The following ITCH variants were observed in gnomAD, a reference collection of about 807,000 sequenced individuals.
ITCH encodes the protein itchy E3 ubiquitin protein ligase, also known as E3 ubiquitin-protein ligase Itchy homolog.
ITCH carries 28 observed loss-of-function variants against 126.8 expected under a neutral mutation model. The ratio of observed to expected loss-of-function variants is 0.22; its 90% CI spans 0.16 to 0.30. ITCH has a LOEUF of 0.30. Among genes scored for constraint, ITCH ranks in the 10% least tolerant of loss-of-function variants. The pLI, the probability that ITCH is intolerant of heterozygous loss-of-function variation, is 1.00. For missense variants in ITCH, 631 were observed against 1,032.4 expected (o/e 0.61, Z 5.33); for synonymous variants, 342 against 340.0 (o/e 1.01, Z -0.06).
intron 6 of ITCH, among the ~76,000 whole-genome samples, chr20:34,420,473 A>T (rs149479299): frequency 6.6e-6 from 1 of 152,322 alleles, no homozygotes; most frequent in African/African-American, 2.4e-5. Context: ...TTGTTTATCC[A>T]TTCATTCATT....
intron 12 of ITCH, among the ~76,000 whole-genome samples, chr20:34,451,289 C>CAAAA (rs1234630566): frequency 8.4e-5 from 6 of 71,214 alleles, no homozygotes; most frequent in Non-Finnish European, 1.8e-4. Flanking sequence ...GACTCCGTCT[C>CAAAA]AAAAAAAAAA....
chr20:34,413,631 T>A, intron 5 of ITCH, 111 bp from the exon 6 acceptor site: 2 of 968,272 alleles, frequency 2.1e-6, no homozygotes, highest in Non-Finnish European at 3.1e-6. Flanking sequence ...TATATGCACA[T>A]ATAGTTATAT....
chr20:34,479,699 G>A lies in ITCH; in HGVS notation c.1728G>A (p.Lys576=). Residue 576 remains lysine (K), a synonymous_variant, in exon 18 of 25, where the codon AAG becomes AAA. Transcript: ENST00000374864. ...PMYCLFEYAG[K]DNYCLQINPA... is the part of the protein sequence containing the mutation. ...ATTGCCTGTTTGAATATGCAGGGAA[G>A]GATAACTACTGCTTGCAGATAAACC... The A allele has an allele frequency of 6.2e-7, 1 of 1,613,598 alleles. No individual in the cohort carries two copies.
At chr20:34,413,659 T>G in intron 5 of ITCH, 83 bp from the exon 6 acceptor site, 1 of 1,282,450 alleles carries the variant, frequency 7.8e-7, no homozygotes. Flanking sequence ...GACATCACAT[T>G]TTTAACAGTT....
At chr20:34,430,747 G>A (rs1230861032) in intron 7 of ITCH, among the ~76,000 whole-genome samples, 1 of 152,162 alleles carries the variant, frequency 6.6e-6, no homozygotes, top group Non-Finnish European at 1.5e-5. Flanking sequence ...CAAAGTGCTG[G>A]GATTACAGGC....
chr20:34,455,906 A>T (rs1985856288), intron 12 of ITCH, among the ~76,000 whole-genome samples: 2 of 151,898 alleles, frequency 1.3e-5, no homozygotes, highest in South Asian at 4.2e-4. Flanking sequence ...GCAGCTTTAG[A>T]TGCAGTAATT....
At chr20:34,400,498 G>A (rs561862809) in intron 3 of ITCH, among the ~76,000 whole-genome samples, 8 of 152,080 alleles carry the variant, frequency 5.3e-5, no homozygotes. Context: ...TAATAGGGGA[G>A]CCCTGAGAAT....
chr20:34,489,305 A>C lies in ITCH; in HGVS notation c.2133A>C (p.Glu711Asp), dbSNP rs1264024151. 2.5e-6 allele frequency: 4 copies of C among 1,613,358 alleles called. No homozygotes were observed. In the South Asian group the frequency reaches 4.4e-5, roughly 18 times the overall value. ...AEWRLSRGVE[E>D]QTQAFFEGFN... ...GGAGGTTGTCTCGAGGTGTTGAAGA[A>C]CAGACACAAGCTTTCTTTGAAGGCT... is the stretch of plus-strand genomic sequence containing the variant. Residue 711 changes from glutamate to aspartate, a missense_variant, in exon 21 of 25, where the codon GAA (glutamate) becomes GAC (aspartate). This residue lies in a region of ITCH where 390 missense variants were observed against 731.6 expected (regional missense o/e 0.53). Transcript: ENST00000374864.
chr20:34,422,174 G>C lies in ITCH; in HGVS notation c.476-2306G>C, dbSNP rs6142166. 1.3e-3 allele frequency among the ~76,000 whole-genome samples: 196 copies of C among 152,236 alleles called. 1 individual carries two copies. Among genetic ancestry groups the C allele is most frequent in the Admixed American group, 3.3e-4 (5 of 15,292 alleles). ...ATTCTTATAAATACTCTATGAAGTA[G>C]GTGTCATCCCCATTTTATATATGCA... On this transcript the variant is annotated intron_variant, in intron 6 of 24. Coordinates refer to ENST00000374864, the MANE Select transcript of ITCH (RefSeq NM_031483.7).
At chr20:34,431,782 G>A (rs1982328035) in intron 7 of ITCH, among the ~76,000 whole-genome samples, 1 of 152,174 alleles carries the variant, frequency 6.6e-6, no homozygotes, top group South Asian at 2.1e-4. Context: ...GCTCACTCCT[G>A]TAATCCCAGC....
chr20:34,409,020 G>T (rs1601830734), intron 4 of ITCH, among the ~76,000 whole-genome samples: 1 of 150,410 alleles, frequency 6.6e-6, no homozygotes, highest in Admixed American at 6.6e-5. Context: ...AGTTTAGTTG[G>T]TGATGATATT....
chr20:34,432,048 C>CAAAAAA (rs10668679), intron 7 of ITCH, among the ~76,000 whole-genome samples: 2 of 92,218 alleles, frequency 2.2e-5, no homozygotes, highest in African/African-American at 4.1e-5. Context: ...GATTCTATGT[C>CAAAAAA]AAAAAAAAAA....
rs548384124 is a variant in ITCH at position 34,380,771 on chromosome 20, A to G, written c.-22+11301A>G. 2.0e-5 allele frequency among the ~76,000 whole-genome samples: 3 copies of G among 151,922 alleles called. No homozygotes were observed. In the South Asian group the frequency reaches 6.3e-4, roughly 32 times the overall value. On this transcript the variant is annotated intron_variant, in intron 2 of 24. Transcript: ENST00000374864. ...TGCCCAAGAAGTTGAGTGCAATCAA[A>G]ATTAGAAACTTTGACCCTTTTTTAA...
intron 3 of ITCH, among the ~76,000 whole-genome samples, chr20:34,407,305 C>T (rs1478695285): frequency 1.3e-5 from 2 of 152,108 alleles, no homozygotes; most frequent in Admixed American, 6.5e-5. Context: ...CTCACTCTGT[C>T]GCCCAGGCTG....
chr20:34,413,181 C>T (rs1209275615), intron 5 of ITCH, among the ~76,000 whole-genome samples: 1 of 152,002 alleles, frequency 6.6e-6, no homozygotes, highest in Admixed American at 6.6e-5. Flanking sequence ...CCACCACATC[C>T]AGCTTTAAAT....
chr20:34,398,627 G>C (rs1039224180), intron 3 of ITCH, among the ~76,000 whole-genome samples: 1 of 152,076 alleles, frequency 6.6e-6, no homozygotes, highest in Non-Finnish European at 1.5e-5. Flanking sequence ...TTGAACTCCT[G>C]ACCTCAGGTG....
intron 2 of ITCH, among the ~76,000 whole-genome samples, chr20:34,381,002 G>C (rs1484229708): frequency 1.3e-5 from 2 of 151,958 alleles, no homozygotes; most frequent in African/African-American, 2.4e-5. Context: ...TGGCCAGGCT[G>C]GTCTTGAACT....
chr20:34,461,588 G>A (rs1179463171), intron 13 of ITCH, among the ~76,000 whole-genome samples: 8 of 152,046 alleles, frequency 5.3e-5, no homozygotes, highest in South Asian at 2.1e-4. Flanking sequence ...GGTGGCAGGC[G>A]CCTGTAGTCC....
At chr20:34,435,371 A>G (rs1196671915) in intron 7 of ITCH, among the ~76,000 whole-genome samples, 2 of 152,034 alleles carry the variant, frequency 1.3e-5, no homozygotes, top group Non-Finnish European at 2.9e-5. Flanking sequence ...GTTTCGCCAT[A>G]TAAGCCAGGC....
Sources: allele counts gnomAD v4.1 joint callset (sites outside exome capture counted in the v4.1 genomes callset), GRCh38; gene constraint gnomAD v4.1.1; regional missense constraint gnomAD v4.1.1; transcripts MANE v1.5; gene names NCBI Gene and HGNC (gene_info 2026-07-23, HGNC 2026-07-21).